Variants in CDK13 observed in about 807,000 individuals in gnomAD.
CDK13 encodes the protein cyclin dependent kinase 13.
In CDK13, 40 loss-of-function variants were observed where a neutral mutation model predicts 137.6. That is an observed-to-expected ratio of 0.29 (90% CI 0.23 to 0.38). CDK13 has a LOEUF of 0.38. Among genes scored for constraint, CDK13 ranks in the 10% least tolerant of loss-of-function variants. CDK13 has a pLI of 1.00. For synonymous variants in CDK13, 869 were observed against 760.1 expected, an observed-to-expected ratio of 1.14 and a Z score of -2.36; for missense variants, 1,704 against 1,951.8, an observed-to-expected ratio of 0.87 and a Z score of 2.39.
At chr7:40,055,145 T>A (rs899817666) in intron 7 of CDK13, among the ~76,000 whole-genome samples, 8 of 148,484 alleles carry the variant, frequency 5.4e-5, no homozygotes, top group Admixed American at 4.7e-4. Flanking sequence ...TCCAATTTAA[T>A]GGCAGAAGGA....
At chr7:39,960,903 ATATGTT>A (rs1226133186) in intron 1 of CDK13, among the ~76,000 whole-genome samples, 2 of 152,144 alleles carry the variant, frequency 1.3e-5, no homozygotes, top group African/African-American at 2.4e-5. Flanking sequence ...AAATAATTGT[ATATGTT>A]TATGTGTGTG....
At chr7:40,040,009 C>CTTTTT (rs751184920) in intron 5 of CDK13, among the ~76,000 whole-genome samples, 1 of 133,516 alleles carries the variant, frequency 7.5e-6, no homozygotes, top group Admixed American at 7.4e-5. Context: ...GATTCATTTG[C>CTTTTT]TTTTTTTTTT....
At chr7:39,959,403 C>G (rs990120296) in intron 1 of CDK13, among the ~76,000 whole-genome samples, 4 of 151,678 alleles carry the variant, frequency 2.6e-5, no homozygotes, top group African/African-American at 9.7e-5. Context: ...TCAGGTGATC[C>G]ACCCGCTTCA....
At chr7:40,032,894 C>T (rs544883909) in intron 5 of CDK13, among the ~76,000 whole-genome samples, 6 of 152,174 alleles carry the variant, frequency 3.9e-5, no homozygotes, top group South Asian at 2.1e-4. Flanking sequence ...TCTATATAAA[C>T]GTTAGAATCA....
At chr7:40,044,020 T>C (rs868596668) in intron 5 of CDK13, among the ~76,000 whole-genome samples, 1 of 151,238 alleles carries the variant, frequency 6.6e-6, no homozygotes, top group African/African-American at 2.4e-5. Context: ...CCTCAGCCTC[T>C]GGAGCAGCTG....
At chr7:40,002,757 C>T (rs1784708854) in intron 5 of CDK13, among the ~76,000 whole-genome samples, 1 of 152,064 alleles carries the variant, frequency 6.6e-6, no homozygotes, top group Admixed American at 6.6e-5. Flanking sequence ...AACAGCAAAA[C>T]TTTTTCTCAA....
At chr7:40,070,764 T>A (rs1432372345) in intron 9 of CDK13, 1 of 151,980 alleles carries the variant, frequency 6.6e-6, no homozygotes, top group Non-Finnish European at 1.5e-5. Flanking sequence ...AAAACACACA[T>A]TGGGACAAAA....
chr7:40,029,817 T>C (rs1464563216), intron 5 of CDK13, among the ~76,000 whole-genome samples: 1 of 152,032 alleles, frequency 6.6e-6, no homozygotes, highest in Non-Finnish European at 1.5e-5. Flanking sequence ...CGTGCCCTGC[T>C]AATTTTTTGT....
rs774740433 is a variant in CDK13, at chr7:40,045,814, TATTA to T, written c.2354-17_2354-14del. The T allele has an allele frequency of 6.0e-6, 9 of 1,496,148 alleles. No individual in the cohort carries two copies. The highest frequency in any genetic ancestry group is 5.9e-5 in the South Asian group (5 of 85,310). 92.7% of individuals were successfully genotyped at this position (1,496,148 alleles called of 1,614,324 possible). ...AGGTTGTAGGAATAAGTTTCTAATGTATTAATTATTCTCATTCTTAGGTGCATTT... is the reference window on the plus strand; with the variant it reads ...AGGTTGTAGGAATAAGTTTCTAATGTATTATTCTCATTCTTAGGTGCATTT... On this transcript the variant is annotated intron_variant, in intron 5 of 13. Coordinates refer to ENST00000181839, the MANE Select transcript of CDK13 (RefSeq NM_003718.5).
At chr7:40,042,086 A>T (rs1011454331) in intron 5 of CDK13, among the ~76,000 whole-genome samples, 3 of 151,228 alleles carry the variant, frequency 2.0e-5, no homozygotes, top group Non-Finnish European at 4.4e-5. Flanking sequence ...TTTTGTATTG[A>T]TTCTTTTTTT....
At chr7:39,979,498 G>C (rs1211327967) in intron 1 of CDK13, among the ~76,000 whole-genome samples, 1 of 152,056 alleles carries the variant, frequency 6.6e-6, no homozygotes, top group Non-Finnish European at 1.5e-5. Flanking sequence ...TTACAGGTCT[G>C]AGCCACCACA....
intron 2 of CDK13, among the ~76,000 whole-genome samples, chr7:39,989,110 A>AAAAAAG (rs1562714944): frequency 2.0e-5 from 2 of 98,432 alleles, no homozygotes; most frequent in African/African-American, 1.1e-4. Context: ...AAAAAAAAAA[A>AAAAAAG]AGAGAAAATT....
At chr7:40,000,733 A>G (rs1461145333) in intron 4 of CDK13, among the ~76,000 whole-genome samples, 1 of 152,216 alleles carries the variant, frequency 6.6e-6, no homozygotes, top group African/African-American at 2.4e-5. Flanking sequence ...ACTCATACAC[A>G]ATATAGAAGG....
At position 40,094,933 on chromosome 7, in the gene CDK13, A is replaced by G; in HGVS notation, c.4492A>G (p.Ile1498Val). ...PGYSQGYRGH[I>V]STSTGRGRGR... ...ATATTCACAAGGATACAGGGGACAT[A>G]TTAGCACATCAACTGGCAGAGGCAG... The change falls in exon 14 of 14, where the codon ATT becomes GTT. Residue 1498 changes from isoleucine to valine, a missense_variant. Physicochemically the swap from Ile to Val is conservative, Grantham distance 29. Coordinates refer to ENST00000181839, the MANE Select transcript of CDK13 (RefSeq NM_003718.5). The G allele has an allele frequency of 6.9e-7, 1 of 1,455,750 alleles. No individual in the cohort carries two copies. The highest frequency in any genetic ancestry group is 9.1e-7 in the Non-Finnish European group (1 of 1,102,790). The allele number at this position is 1,455,750 out of a possible 1,614,324, so 90.2% of individuals were successfully genotyped here.
chr7:40,053,726 C>G (rs993979372), intron 7 of CDK13, among the ~76,000 whole-genome samples: 4 of 150,818 alleles, frequency 2.7e-5, no homozygotes, highest in African/African-American at 9.7e-5. Flanking sequence ...ATTTATAGTA[C>G]ATGATTATAA....
chr7:40,054,069 T>TC (rs1228015966), intron 7 of CDK13, among the ~76,000 whole-genome samples: 2 of 152,172 alleles, frequency 1.3e-5, no homozygotes, highest in Non-Finnish European at 2.9e-5. Flanking sequence ...AGAAGTATCT[T>TC]CCAGGTAGAG....
chr7:39,971,178 T>A (rs915313349), intron 1 of CDK13, among the ~76,000 whole-genome samples: 1 of 152,334 alleles, frequency 6.6e-6, no homozygotes, highest in Admixed American at 6.5e-5. Flanking sequence ...CATTTGATAG[T>A]AGGTACCTAG....
At chr7:40,036,689 T>TA (rs1414485535) in intron 5 of CDK13, among the ~76,000 whole-genome samples, 1 of 151,712 alleles carries the variant, frequency 6.6e-6, no homozygotes, top group Non-Finnish European at 1.5e-5. Context: ...TAAATTTACT[T>TA]ATCCCTGTCA....
At chr7:40,031,828 GTTATTATTATTATTATTATTA>G (rs34654098) in intron 5 of CDK13, among the ~76,000 whole-genome samples, 1 of 139,108 alleles carries the variant, frequency 7.2e-6, no homozygotes, top group African/African-American at 2.6e-5. Context: ...TATTATTATT[GTTATTATTATTATTATTATTA>G]TTATTATTAT....
Sources: gnomAD v4.1 joint callset for allele counts (sites outside exome capture counted in the v4.1 genomes callset) on GRCh38, gnomAD v4.1.1 for gene constraint, MANE v1.5 for transcripts, NCBI Gene and HGNC (gene_info 2026-07-23, HGNC 2026-07-21) for gene names.